NEDD4L: variants seen among roughly 807,000 people sequenced by gnomAD.
The protein encoded by NEDD4L is NEDD4 like E3 ubiquitin protein ligase.
A neutral mutation model predicts 148.9 loss-of-function variants in NEDD4L; 54 were observed. The observed-to-expected ratio is 0.36, with a 90% confidence interval of 0.29 to 0.45. The LOEUF (loss-of-function observed/expected upper bound fraction) is 0.45, where lower values mean the gene tolerates loss of function less well. Ranked by LOEUF, NEDD4L falls within the 20% of genes least tolerant of loss-of-function variation. The probability of loss-of-function intolerance (pLI) is 1.00; values close to 1 mark genes in which losing one functional copy is unlikely to be tolerated. For missense variants in NEDD4L, 856 were observed against 1,233.8 expected (o/e 0.69, Z 4.59); for synonymous variants, 433 against 440.7 (o/e 0.98, Z 0.22).
Position 58,341,173 on chromosome 18 carries a change from C to T in NEDD4L, c.1257+4C>T, listed in dbSNP as rs745584603. 36 of 1,611,648 alleles carry T rather than the reference C, an allele frequency of 2.2e-5. No individual in the cohort carries two copies. Among genetic ancestry groups the T allele is most frequent in the Admixed American group, 1.5e-4 (9 of 59,772 alleles). On this transcript the variant is annotated splice_donor_region_variant and intron_variant, in intron 14 of 30. Transcript: ENST00000400345. The stretch of plus-strand genomic sequence containing the variant: ...TTGGACTCGACCTATCATGCAGGTA[C>T]GAAGATTGCCATCCAACTTAAAACC...
At chr18:58,141,502 A>G (rs2033500422) in intron 1 of NEDD4L, among the ~76,000 whole-genome samples, 2 of 152,130 alleles carry the variant, frequency 1.3e-5, no homozygotes, top group African/African-American at 4.8e-5. Flanking sequence ...GTTTTTTTTA[A>G]AAAAACTTTA....
intron 1 of NEDD4L, among the ~76,000 whole-genome samples, chr18:58,055,434 CT>C (rs939274757): frequency 2.0e-5 from 3 of 152,034 alleles, no homozygotes; most frequent in Non-Finnish European, 4.4e-5. Context: ...TACAATAAAC[CT>C]TTTTTTCTTA....
chr18:58,117,783 T>G (rs1203993466), intron 1 of NEDD4L, among the ~76,000 whole-genome samples: 1 of 152,178 alleles, frequency 6.6e-6, no homozygotes, highest in East Asian at 1.9e-4. Context: ...CCTGGACTCC[T>G]TCAGCAGCAG....
At chr18:58,265,851 A>T (rs374888787) in intron 5 of NEDD4L, among the ~76,000 whole-genome samples, 123 of 152,208 alleles carry the variant, frequency 8.1e-4, no homozygotes, top group Middle Eastern at 6.8e-3. Flanking sequence ...GGCATGAGAC[A>T]CTGTATCCAA....
chr18:58,291,050 A>C (rs1600769044), intron 5 of NEDD4L, among the ~76,000 whole-genome samples: 1 of 150,766 alleles, frequency 6.6e-6, no homozygotes, highest in Non-Finnish European at 1.5e-5. Context: ...AGGCCGACCG[A>C]CCCACATGGT....
At chr18:58,122,562 A>G (rs1454974699) in intron 1 of NEDD4L, among the ~76,000 whole-genome samples, 3 of 152,044 alleles carry the variant, frequency 2.0e-5, no homozygotes, top group African/African-American at 7.2e-5. Flanking sequence ...TTGCCTTGCT[A>G]CCTCCAACTT....
chr18:58,182,509 C>CTTT lies in NEDD4L; in HGVS notation c.122+16668_122+16670dup, dbSNP rs568506761. ...TCTGTGGTGACCTGAGCATTGATAC[C>CTTT]TTTTTTTTTTTTTTTTTTTTTTGAG... On this transcript the variant is annotated intron_variant, in intron 2 of 30. Transcript: ENST00000400345. Among the ~76,000 whole-genome samples, 57 of 111,422 alleles carry CTTT rather than the reference C, an allele frequency of 5.1e-4. 1 individual carries two copies. The highest frequency in any genetic ancestry group is 1.6e-3 in the East Asian group (6 of 3,658). The allele number at this position is 111,422 out of a possible 152,430, so 73.1% of individuals were successfully genotyped here.
chr18:58,146,579 C>G (rs955694209), intron 1 of NEDD4L, among the ~76,000 whole-genome samples: 1 of 152,110 alleles, frequency 6.6e-6, no homozygotes, highest in African/African-American at 2.4e-5. Flanking sequence ...CAGCCCTGGC[C>G]CTAAAAAGTG....
intron 2 of NEDD4L, among the ~76,000 whole-genome samples, chr18:58,190,983 T>C (rs1014479157): frequency 6.6e-6 from 1 of 152,126 alleles, no homozygotes; most frequent in Admixed American, 6.5e-5. Context: ...TGGTGGTGTG[T>C]GCCTGTAGCC....
At chr18:58,379,410 C>T (rs1404223482) in intron 24 of NEDD4L, among the ~76,000 whole-genome samples, 1 of 152,224 alleles carries the variant, frequency 6.6e-6, no homozygotes, top group Non-Finnish European at 1.5e-5. Flanking sequence ...ACCCGGTGTT[C>T]AGTGCTGAGG....
intron 1 of NEDD4L, among the ~76,000 whole-genome samples, chr18:58,154,600 A>G (rs1426224304): frequency 6.6e-6 from 1 of 152,204 alleles, no homozygotes; most frequent in Admixed American, 6.5e-5. Flanking sequence ...AGCCTGGGCA[A>G]CATGGCAAAA....
intron 25 of NEDD4L, among the ~76,000 whole-genome samples, chr18:58,384,167 C>G (rs2048707198): frequency 6.6e-6 from 1 of 152,206 alleles, no homozygotes; most frequent in Non-Finnish European, 1.5e-5. Flanking sequence ...AATCAGACAG[C>G]TCTTGCATTG....
intron 6 of NEDD4L, among the ~76,000 whole-genome samples, chr18:58,320,763 T>A (rs2058701743): frequency 6.6e-6 from 1 of 152,192 alleles, no homozygotes; most frequent in Non-Finnish European, 1.5e-5. Flanking sequence ...TGCAGTGAGC[T>A]ATGATTGTGC....
At chr18:58,081,853 G>A (rs2083448450) in intron 1 of NEDD4L, among the ~76,000 whole-genome samples, 1 of 151,788 alleles carries the variant, frequency 6.6e-6, no homozygotes, top group South Asian at 2.1e-4. Flanking sequence ...AATGCGTTTT[G>A]CATAGAATTG....
At chr18:58,372,896 G>C (rs2047077293) in intron 23 of NEDD4L, among the ~76,000 whole-genome samples, 1 of 151,532 alleles carries the variant, frequency 6.6e-6, no homozygotes, top group Non-Finnish European at 1.5e-5. Flanking sequence ...AAATTTTGTA[G>C]ACCAGTATGG....
At chr18:58,044,739 C>A in intron 1 of NEDD4L, 31 bp downstream of exon 1, 1 of 1,599,454 alleles carries the variant, frequency 6.3e-7, no homozygotes, top group Non-Finnish European at 8.5e-7. Flanking sequence ...GCTCGGGACT[C>A]CCCGGGGAGT....
chr18:58,049,106 G>C (rs940590428), intron 1 of NEDD4L, among the ~76,000 whole-genome samples: 1 of 152,186 alleles, frequency 6.6e-6, no homozygotes, highest in Non-Finnish European at 1.5e-5. Flanking sequence ...TAGAATTGAT[G>C]AATTACAGTG....
chr18:58,210,517 C>T (rs557015638), intron 2 of NEDD4L, among the ~76,000 whole-genome samples: 3 of 152,234 alleles, frequency 2.0e-5, no homozygotes, highest in East Asian at 1.9e-4. Flanking sequence ...GGTGCGATCT[C>T]GGCTCACTGC....
At chr18:58,102,894 C>G (rs1483242519) in intron 1 of NEDD4L, among the ~76,000 whole-genome samples, 1 of 152,130 alleles carries the variant, frequency 6.6e-6, no homozygotes, top group East Asian at 1.9e-4. Flanking sequence ...AAAATATGTA[C>G]TGTAAAATTG....
Sources: gnomAD v4.1 joint callset for allele counts (sites outside exome capture counted in the v4.1 genomes callset) on GRCh38, gnomAD v4.1.1 for gene constraint, MANE v1.5 for transcripts, NCBI Gene and HGNC (gene_info 2026-07-23, HGNC 2026-07-21) for gene names.